Variants in ESR1 observed in about 807,000 individuals in gnomAD.
ESR1 encodes estrogen receptor 1.
A neutral mutation model predicts 52.7 loss-of-function variants in ESR1; 12 were observed. The ratio of observed to expected loss-of-function variants is 0.23; its 90% CI spans 0.15 to 0.37. The LOEUF (loss-of-function observed/expected upper bound fraction) is 0.37, where lower values mean the gene tolerates loss of function less well. ESR1 is among the 10% of genes least tolerant of loss of function. The pLI, the probability that ESR1 is intolerant of heterozygous loss-of-function variation, is 1.00. For synonymous variants in ESR1, 305 were observed against 316.8 expected (o/e 0.96, Z 0.39); for missense variants, 584 against 779.7 (o/e 0.75, Z 2.99).
intron 2 of ESR1, among the ~76,000 whole-genome samples, chr6:151,848,493 T>TA (rs1272722852): frequency 0.02 from 2,951 of 147,044 alleles, 76 homozygotes; most frequent in African/African-American, 0.058. Flanking sequence ...AAAAAAAATT[T>TA]AAAAAAAAAA....
chr6:152,121,421 T>G (rs995304150), intron 6 of ESR1, among the ~76,000 whole-genome samples: 2 of 152,030 alleles, frequency 1.3e-5, no homozygotes, highest in African/African-American at 4.8e-5. Flanking sequence ...GCAAAAGGAA[T>G]GGAGAATAGA....
intron 1 of ESR1, among the ~76,000 whole-genome samples, chr6:151,700,040 T>G (rs1329701969): frequency 6.6e-6 from 1 of 151,974 alleles, no homozygotes; most frequent in Non-Finnish European, 1.5e-5. Context: ...AATTCCTTAC[T>G]TCATGTGGTT....
At chr6:151,872,397 CCTAA>C (rs934203631) in intron 2 of ESR1, among the ~76,000 whole-genome samples, 45 of 152,240 alleles carry the variant, frequency 3.0e-4, no homozygotes, top group Admixed American at 1.2e-3. Context: ...TCCCTTTAGC[CCTAA>C]CTATTTGGCA....
intron 3 of ESR1, among the ~76,000 whole-genome samples, chr6:151,915,450 A>C (rs936137294): frequency 6.6e-6 from 1 of 152,154 alleles, no homozygotes; most frequent in African/African-American, 2.4e-5. Context: ...TTTCATTCTG[A>C]TTCTTACCAT....
chr6:151,994,489 T>C (rs547919876), intron 4 of ESR1, among the ~76,000 whole-genome samples: 1 of 152,316 alleles, frequency 6.6e-6, no homozygotes, highest in East Asian at 1.9e-4. Context: ...CATTAAAAAC[T>C]TGCTGAATTA....
chr6:151,782,853 C>G (rs897641250), intron 2 of ESR1, among the ~76,000 whole-genome samples: 12 of 152,136 alleles, frequency 7.9e-5, no homozygotes, highest in African/African-American at 2.9e-4. Context: ...CCGCCACATC[C>G]ATGCTCTTTC....
At chr6:152,077,870 G>A (rs953378999) in intron 6 of ESR1, among the ~76,000 whole-genome samples, 1 of 152,176 alleles carries the variant, frequency 6.6e-6, no homozygotes, top group Non-Finnish European at 1.5e-5. Context: ...TGATTTTACA[G>A]GCTCATAGGC....
At chr6:151,737,262 A>C (rs1782749293) in intron 2 of ESR1, among the ~76,000 whole-genome samples, 2 of 152,124 alleles carry the variant, frequency 1.3e-5, no homozygotes, top group Non-Finnish European at 2.9e-5. Flanking sequence ...ATGTTTGGTT[A>C]TTTCTTTACG....
chr6:152,122,442 T>C, intron 6 of ESR1: 1 of 1,613,996 alleles, frequency 6.2e-7, no homozygotes, highest in East Asian at 2.2e-5. Context: ...TAGTTCAGAG[T>C]GGAGGAGGGC....
chr6:151,761,198 C>A (rs1047064866), intron 2 of ESR1, among the ~76,000 whole-genome samples: 2 of 151,398 alleles, frequency 1.3e-5, no homozygotes, highest in African/African-American at 4.9e-5. Flanking sequence ...AACAGCAATA[C>A]CTTGGTGGTT....
intron 5 of ESR1, among the ~76,000 whole-genome samples, chr6:152,039,257 C>T (rs770648440): frequency 4.6e-5 from 7 of 152,090 alleles, no homozygotes; most frequent in African/African-American, 1.4e-4. Context: ...CTGCCTGGAT[C>T]GAGTTGTTGT....
intron 1 of ESR1, among the ~76,000 whole-genome samples, chr6:151,670,420 G>T (rs1196295293): frequency 6.6e-6 from 1 of 152,078 alleles, no homozygotes; most frequent in Non-Finnish European, 1.5e-5. Flanking sequence ...CTTCACCAAC[G>T]TATAAGCTTC....
At chr6:152,028,283 A>C (rs1339558564) in intron 5 of ESR1, among the ~76,000 whole-genome samples, 1 of 152,180 alleles carries the variant, frequency 6.6e-6, no homozygotes, top group Non-Finnish European at 1.5e-5. Flanking sequence ...ACTGGGGACT[A>C]TTGGACAGTG....
In ESR1 at chr6:152,047,911, G is replaced by A. The variant is rs184117425; in HGVS notation, c.1236-13080G>A. 7.8e-3 allele frequency among the ~76,000 whole-genome samples: 1,162 copies of A among 149,554 alleles called. 7 individuals carry two copies. The highest frequency in any genetic ancestry group is 0.014 in the Admixed American group (204 of 15,002). ...GGGCCACTGTGCCTGGGGTCACAGGGTTCCAGGATGTCAACCTTCTTTCAG... is the reference window on the plus strand; with the variant it reads ...GGGCCACTGTGCCTGGGGTCACAGGATTCCAGGATGTCAACCTTCTTTCAG... On this transcript the variant is annotated intron_variant, in intron 5 of 7. Transcript: ENST00000206249.
intron 1 of ESR1, among the ~76,000 whole-genome samples, chr6:151,682,262 A>G (rs1778489726): frequency 1.3e-5 from 2 of 152,172 alleles, no homozygotes; most frequent in South Asian, 4.1e-4. Flanking sequence ...GCACCATTGA[A>G]TTGCACGGTA....
chr6:152,096,646 C>T (rs1309296501), intron 7 of ESR1: 1 of 456,016 alleles, frequency 2.2e-6, no homozygotes, highest in South Asian at 1.5e-5. Context: ...TGATTGCAAT[C>T]TCTGTTCTCA....
chr6:151,895,757 G>A (rs907398725), intron 3 of ESR1, among the ~76,000 whole-genome samples: 4 of 152,080 alleles, frequency 2.6e-5, no homozygotes, highest in African/African-American at 9.7e-5. Context: ...TGATCATTGT[G>A]GATTATCTTT....
intron 5 of ESR1, among the ~76,000 whole-genome samples, chr6:152,019,763 G>T (rs761873568): frequency 6.6e-6 from 1 of 152,000 alleles, no homozygotes; most frequent in Admixed American, 6.5e-5. Flanking sequence ...ATTTATTACC[G>T]CCACCTGTCC....
intron 2 of ESR1, among the ~76,000 whole-genome samples, chr6:151,797,717 A>G (rs117224350): frequency 6.6e-6 from 1 of 152,318 alleles, no homozygotes; most frequent in East Asian, 1.9e-4. Context: ...AGAACAACTT[A>G]CTTAGGCATT....
Sources: allele counts gnomAD v4.1 joint callset (sites outside exome capture counted in the v4.1 genomes callset), GRCh38; gene constraint gnomAD v4.1.1; transcripts MANE v1.5; gene names NCBI Gene and HGNC (gene_info 2026-07-23, HGNC 2026-07-21).